Variants in RGS12 observed in about 807,000 individuals in gnomAD.
RGS12 encodes the protein regulator of G protein signaling 12, also known as regulator of G-protein signaling 12.
A neutral mutation model predicts 120.1 loss-of-function variants in RGS12; 66 were observed. The ratio of observed to expected loss-of-function variants is 0.55; its 90% confidence interval spans 0.45 to 0.67. RGS12 has a LOEUF of 0.67. Among genes scored for constraint, RGS12 ranks in the 30% least tolerant of loss-of-function variants. RGS12 has a pLI of 0.00. For missense variants in RGS12, 1,859 were observed against 1,957.7 expected, an observed-to-expected ratio of 0.95 and a Z score of 0.95; for synonymous variants, 827 against 804.7, an observed-to-expected ratio of 1.03 and a Z score of -0.47.
chr4:3,416,898 A>C lies in RGS12; in HGVS notation c.2428-15A>C, dbSNP rs541187847. 1 of 1,583,252 alleles carries C rather than the reference A, an allele frequency of 6.3e-7. No homozygotes were observed. The highest frequency in any genetic ancestry group is 2.3e-5 in the East Asian group (1 of 44,230). On this transcript the variant is annotated splice_polypyrimidine_tract_variant and intron_variant, in intron 7 of 17. Transcript: ENST00000336727. ...GTCCCTCCTGTGACTGTCCCACCTT[A>C]CATCTTCTCCCCAGATCTTCAATCT...
intron 13 of RGS12, among the ~76,000 whole-genome samples, chr4:3,424,022 GCC>G (rs1723337084): frequency 6.6e-6 from 1 of 152,250 alleles, no homozygotes; most frequent in African/African-American, 2.4e-5. Context: ...TTGTGCTCAT[GCC>G]CCCAGTGCAC....
chr4:3,383,076 C>T (rs1050571010), intron 3 of RGS12, among the ~76,000 whole-genome samples: 5 of 152,078 alleles, frequency 3.3e-5, no homozygotes, highest in African/African-American at 7.3e-5. Context: ...GAAGGATTTG[C>T]ATTAATATAT....
intron 4 of RGS12, among the ~76,000 whole-genome samples, chr4:3,402,211 TTTA>T (rs1217863957): frequency 6.6e-6 from 1 of 152,254 alleles, no homozygotes; most frequent in Non-Finnish European, 1.5e-5. Flanking sequence ...ACATATTATA[TTTA>T]TTATTAAAAT....
chr4:3,322,109 C>T (rs565616254), intron 2 of RGS12, among the ~76,000 whole-genome samples: 1 of 152,236 alleles, frequency 6.6e-6, no homozygotes, highest in Non-Finnish European at 1.5e-5. Flanking sequence ...TCAGTGGCCA[C>T]TTGCTCCTGT....
chr4:3,382,143 A>G (rs1386882868), intron 3 of RGS12, among the ~76,000 whole-genome samples: 1 of 152,216 alleles, frequency 6.6e-6, no homozygotes, highest in Non-Finnish European at 1.5e-5. Context: ...ATTTTCACAG[A>G]TCTTACATTT....
intron 2 of RGS12, chr4:3,342,493 C>T (rs1172253923): frequency 1.6e-6 from 2 of 1,289,808 alleles, no homozygotes; most frequent in East Asian, 1.1e-4. Flanking sequence ...TCCTAAAGTG[C>T]TTACAAAATT....
intron 17 of RGS12, among the ~76,000 whole-genome samples, chr4:3,435,572 C>A (rs571697612): frequency 3.3e-5 from 5 of 151,218 alleles, no homozygotes; most frequent in African/African-American, 9.7e-5. Flanking sequence ...AGCCCCGTCT[C>A]CCCAGAGCCC....
chr4:3,301,992 ATT>A (rs11285490), intron 1 of RGS12, among the ~76,000 whole-genome samples: 205 of 147,994 alleles, frequency 1.4e-3, no homozygotes, highest in Non-Finnish European at 2.2e-3. Context: ...GGTATCCTGT[ATT>A]TTTTTTTTTT....
intron 4 of RGS12, among the ~76,000 whole-genome samples, chr4:3,411,731 C>T (rs1356756295): frequency 6.6e-6 from 1 of 152,290 alleles, no homozygotes; most frequent in Non-Finnish European, 1.5e-5. Flanking sequence ...GAGAGTTTCA[C>T]ACCTGGCTTA....
intron 2 of RGS12, among the ~76,000 whole-genome samples, chr4:3,320,266 TC>T (rs1363303773): frequency 2.0e-5 from 3 of 152,176 alleles, no homozygotes; most frequent in Non-Finnish European, 4.4e-5. Flanking sequence ...AATGGACTCC[TC>T]CTTGGGGCGG....
At chr4:3,300,481 C>T (rs993547545) in intron 1 of RGS12, among the ~76,000 whole-genome samples, 4 of 152,160 alleles carry the variant, frequency 2.6e-5, no homozygotes, top group African/African-American at 9.7e-5. Flanking sequence ...AGGAGGACTG[C>T]CTGGGCCCGC....
In RGS12 at chr4:3,316,468, G is replaced by A. The variant is rs144976826; in HGVS notation, c.298G>A (p.Gly100Ser). The A allele has an allele frequency of 6.8e-6, 11 of 1,614,040 alleles. No homozygotes were observed. Among genetic ancestry groups the A allele is most frequent in the East Asian group, 4.5e-5 (2 of 44,900 alleles). ...TCACATGGTGATTGCTGAAGGCGTC[G>A]GCCGCTTCGAATCCTGTTCCAGTGA... Reference protein sequence around the residue: ...VLHMVIAEGVGRFESCSSDEE... With the variant: ...VLHMVIAEGVSRFESCSSDEE... Residue 100 changes from glycine (G) to serine (S), a missense_variant, in exon 2 of 18, where the codon GGC becomes AGC. Gly to Ser is a moderately conservative substitution (Grantham distance 56). Around this residue, in one of 3 missense-constraint regions of RGS12, gnomAD observed 967 missense variants for 994.2 expected, o/e 0.97. Transcript: ENST00000336727.
chr4:3,386,482 G>GT, intron 4 of RGS12, 45 bp downstream of exon 4: 3 of 1,545,058 alleles, frequency 1.9e-6, no homozygotes, highest in Non-Finnish European at 2.7e-6. Context: ...TTTTCATAAA[G>GT]TTTTCAAATT....
At chr4:3,302,106 A>G (rs958728988) in intron 1 of RGS12, among the ~76,000 whole-genome samples, 3 of 152,228 alleles carry the variant, frequency 2.0e-5, no homozygotes, top group African/African-American at 7.2e-5. Context: ...AGTCAAATAC[A>G]AATGGAAAGG....
intron 2 of RGS12, among the ~76,000 whole-genome samples, chr4:3,333,917 T>G (rs1408931936): frequency 2.0e-5 from 3 of 152,216 alleles, no homozygotes; most frequent in African/African-American, 7.2e-5. Flanking sequence ...TCCATGAAAA[T>G]AGTATCTCTC....
chr4:3,330,369 G>A (rs1329958490), intron 2 of RGS12, among the ~76,000 whole-genome samples: 5 of 152,160 alleles, frequency 3.3e-5, no homozygotes. Context: ...TTTACAGGGA[G>A]ATTTGATTAG....
rs924108994 is a variant in RGS12, at chr4:3,351,429, A to T, written c.1998+8376A>T. Among the ~76,000 whole-genome samples the T allele has an allele frequency of 2.1e-4, 32 of 152,202 alleles. 1 individual carries two copies. The highest frequency in any genetic ancestry group is 7.7e-4 in the African/African-American group (32 of 41,544). On this transcript the variant is annotated intron_variant, in intron 3 of 17. Coordinates refer to ENST00000336727, the MANE Select transcript of RGS12 (RefSeq NM_001394154.1). ...TTTTTTTTAGAATATCGATTTTTCA[A>T]TTAGCTTTTTCATCACCCTAAGCAA... is the stretch of plus-strand genomic sequence containing the variant.
At chr4:3,371,051 C>T (rs531465376) in intron 3 of RGS12, among the ~76,000 whole-genome samples, 12 of 152,172 alleles carry the variant, frequency 7.9e-5, no homozygotes, top group East Asian at 1.9e-4. Context: ...TGTAGAGAAG[C>T]GAAGGACAAA....
chr4:3,416,239 A>T, intron 7 of RGS12, 118 bp downstream of exon 7: 16 of 1,185,718 alleles, frequency 1.3e-5, no homozygotes, highest in Non-Finnish European at 1.6e-5. Context: ...TCACAGACGC[A>T]GGTAGAGAAA....
Sources: allele counts gnomAD v4.1 joint callset (sites outside exome capture counted in the v4.1 genomes callset), GRCh38; gene constraint gnomAD v4.1.1; regional missense constraint gnomAD v4.1.1; transcripts MANE v1.5; gene names NCBI Gene and HGNC (gene_info 2026-07-23, HGNC 2026-07-21).